The following STX18 variants were observed in gnomAD, a reference collection of about 807,000 sequenced individuals.
STX18 encodes syntaxin 18.
STX18 carries 40 observed loss-of-function variants against 50.1 expected under a neutral mutation model. That is an observed-to-expected ratio of 0.80 (90% CI 0.62 to 1.04). STX18 has a LOEUF of 1.04. Ranked by LOEUF, STX18 falls within the 50% of genes least tolerant of loss-of-function variation. STX18 has a pLI of 0.00. For missense variants in STX18, 410 were observed against 415.8 expected, an observed-to-expected ratio of 0.99 and a Z score of 0.12; for synonymous variants, 158 against 151.8, an observed-to-expected ratio of 1.04 and a Z score of -0.30.
intron 1 of STX18, among the ~76,000 whole-genome samples, chr4:4,476,769 C>T (rs1181870520): frequency 1.3e-5 from 2 of 152,066 alleles, no homozygotes; most frequent in Non-Finnish European, 2.9e-5. Flanking sequence ...CACAATAAGA[C>T]AGGGGGAGGT....
chr4:4,450,977 CTTTCT>C (rs1035163416), intron 5 of STX18, among the ~76,000 whole-genome samples: 11 of 152,314 alleles, frequency 7.2e-5, no homozygotes, highest in African/African-American at 2.4e-4. Context: ...AGTTGAGTGC[CTTTCT>C]TTTCTTAAGT....
intron 1 of STX18, among the ~76,000 whole-genome samples, chr4:4,483,263 C>A (rs1019234736): frequency 6.6e-6 from 1 of 151,954 alleles, no homozygotes; most frequent in Admixed American, 6.6e-5. Context: ...TTAAAAAAAA[C>A]AAAAACCTAG....
intron 1 of STX18, among the ~76,000 whole-genome samples, chr4:4,540,118 C>A (rs1470745379): frequency 6.6e-6 from 1 of 152,090 alleles, no homozygotes; most frequent in Non-Finnish European, 1.5e-5. Context: ...TAATTTGTTA[C>A]ATATAGAGGA....
Position 4,420,720 on chromosome 4 carries a change from G to A in STX18, c.912+144C>T, listed in dbSNP as rs1210857893. On this transcript the variant is annotated intron_variant, in intron 10 of 10. Coordinates refer to ENST00000306200, the MANE Select transcript of STX18 (RefSeq NM_016930.4). This position sits in a 1 kb window ranked among gnomAD's most constrained non-coding sequence, Gnocchi z 4.3. The stretch of plus-strand genomic sequence containing the variant: ...GTGGTGGGTCTCATGAACACACGCA[G>A]CTCCGCGGTCACACAATTTTGTGAT... 1 of 726,470 alleles carries A rather than the reference G, an allele frequency of 1.4e-6. No individual in the cohort carries two copies. Among genetic ancestry groups the A allele is most frequent in the African/African-American group, 1.8e-5 (1 of 56,878 alleles). The allele number at this position is 726,470 out of a possible 1,614,324, so 45.0% of individuals were successfully genotyped here.
At chr4:4,462,691 C>T (rs1332749403) in intron 2 of STX18, among the ~76,000 whole-genome samples, 1 of 150,202 alleles carries the variant, frequency 6.7e-6, no homozygotes, top group African/African-American at 2.4e-5. Context: ...GCAAAACCAC[C>T]TTAAAAAAAA....
At chr4:4,529,395 G>C (rs548035569) in intron 1 of STX18, among the ~76,000 whole-genome samples, 27 of 152,076 alleles carry the variant, frequency 1.8e-4, no homozygotes, top group Non-Finnish European at 1.5e-4. Flanking sequence ...CAAGGTAATT[G>C]TTGATTAAAA....
chr4:4,464,150 C>G (rs567913194), intron 2 of STX18, among the ~76,000 whole-genome samples: 38 of 152,254 alleles, frequency 2.5e-4, no homozygotes, highest in African/African-American at 8.7e-4. Flanking sequence ...ATGATGTTAT[C>G]TTATCTGTCA....
intron 1 of STX18, among the ~76,000 whole-genome samples, chr4:4,503,900 C>T (rs1577381831): frequency 6.6e-6 from 1 of 151,898 alleles, no homozygotes; most frequent in East Asian, 1.9e-4. Context: ...TTATAGCACA[C>T]TGAAAACTAT....
chr4:4,474,454 G>T (rs1728074734), intron 1 of STX18, among the ~76,000 whole-genome samples: 2 of 152,164 alleles, frequency 1.3e-5, no homozygotes, highest in Admixed American at 1.3e-4. Flanking sequence ...TGGTTTTCCA[G>T]CTTCCCCAGG....
intron 1 of STX18, among the ~76,000 whole-genome samples, chr4:4,499,917 G>A (rs1192626718): frequency 6.6e-6 from 1 of 150,758 alleles, no homozygotes; most frequent in Non-Finnish European, 1.5e-5. Context: ...TTGTGGATTT[G>A]ACCCAACTGC....
chr4:4,536,357 T>G (rs987961900), intron 1 of STX18, among the ~76,000 whole-genome samples: 1 of 152,216 alleles, frequency 6.6e-6, no homozygotes, highest in Non-Finnish European at 1.5e-5. Flanking sequence ...CAACACAAAG[T>G]TCTTCATTTT....
chr4:4,490,836 T>A (rs1338859010), intron 1 of STX18, among the ~76,000 whole-genome samples: 1 of 152,186 alleles, frequency 6.6e-6, no homozygotes. Flanking sequence ...CATTATTTAA[T>A]GTTACATCTG....
intron 1 of STX18, among the ~76,000 whole-genome samples, chr4:4,519,318 T>C (rs953426013): frequency 6.6e-6 from 1 of 152,142 alleles, no homozygotes; most frequent in East Asian, 1.9e-4. Context: ...CTATTTTTAA[T>C]AAGAGATTAA....
At chr4:4,539,016 TA>T (rs1337924708) in intron 1 of STX18, among the ~76,000 whole-genome samples, 1 of 152,202 alleles carries the variant, frequency 6.6e-6, no homozygotes, top group East Asian at 1.9e-4. Flanking sequence ...GTTAAATGTT[TA>T]AAAGAATGAT....
intron 1 of STX18, among the ~76,000 whole-genome samples, chr4:4,495,535 C>G: frequency 6.6e-6 from 1 of 150,428 alleles, no homozygotes; most frequent in Non-Finnish European, 1.5e-5. Context: ...ACTACAGGCA[C>G]GCGTGTCTGG....
intron 1 of STX18, among the ~76,000 whole-genome samples, chr4:4,474,361 C>T (rs934100322): frequency 1.2e-4 from 18 of 152,306 alleles, no homozygotes; most frequent in Admixed American, 9.1e-4. Flanking sequence ...AGCAGACCCT[C>T]AGAAACTTTT....
intron 1 of STX18, among the ~76,000 whole-genome samples, chr4:4,526,310 T>C (rs1196829084): frequency 1.3e-5 from 2 of 152,142 alleles, no homozygotes; most frequent in Admixed American, 1.3e-4. Flanking sequence ...TTCACTTAAT[T>C]GATTTCCAAA....
intron 5 of STX18, among the ~76,000 whole-genome samples, chr4:4,456,564 C>T (rs542221877): frequency 6.6e-6 from 1 of 152,316 alleles, no homozygotes; most frequent in Non-Finnish European, 1.5e-5. Flanking sequence ...AGTCATTTAC[C>T]CTGCTGGAGC....
At chr4:4,484,412 G>A (rs778609439) in intron 1 of STX18, among the ~76,000 whole-genome samples, 3 of 152,060 alleles carry the variant, frequency 2.0e-5, no homozygotes, top group African/African-American at 4.8e-5. Context: ...AATTTACATC[G>A]ACTAAAATGA....
Sources: gnomAD v4.1 joint callset for allele counts (sites outside exome capture counted in the v4.1 genomes callset) on GRCh38, gnomAD v4.1.1 for gene constraint, Gnocchi (gnomAD v3.1) non-coding constraint, MANE v1.5 for transcripts, NCBI Gene and HGNC (gene_info 2026-07-23, HGNC 2026-07-21) for gene names.